NPHP1: variants seen among roughly 807,000 people sequenced by gnomAD.
NPHP1 encodes the protein nephrocystin 1, also known as nephrocystin-1.
A neutral mutation model predicts 90.4 loss-of-function variants in NPHP1; 70 were observed. The ratio of observed to expected loss-of-function variants is 0.77; its 90% CI spans 0.64 to 0.95. NPHP1 has a LOEUF of 0.95. Ranked by LOEUF, NPHP1 falls within the 40% of genes least tolerant of loss-of-function variation. The pLI is 0.00. For synonymous variants in NPHP1, 256 were observed against 271.7 expected (o/e 0.94, Z 0.57); for missense variants, 764 against 795.9 (o/e 0.96, Z 0.48).
chr2:110,128,945 G>A, intron 18 of NPHP1: 1 of 523,610 alleles, frequency 1.9e-6, no homozygotes, highest in East Asian at 3.2e-5. Flanking sequence ...GGAAAAAATG[G>A]GCAAAGATTG....
chr2:110,198,969 A>G (rs551794179), intron 2 of NPHP1, among the ~76,000 whole-genome samples: 4 of 152,168 alleles, frequency 2.6e-5, no homozygotes, highest in African/African-American at 9.6e-5. Flanking sequence ...ATTAAAAGGA[A>G]TCTGAGCCCA....
At chr2:110,203,232 C>G (rs1001732924) in intron 1 of NPHP1, among the ~76,000 whole-genome samples, 1 of 149,246 alleles carries the variant, frequency 6.7e-6, no homozygotes, top group Non-Finnish European at 1.5e-5. Flanking sequence ...AAGATGGGAG[C>G]AATGGACACT....
At chr2:110,141,525 G>T (rs1325125771) in intron 16 of NPHP1, among the ~76,000 whole-genome samples, 2 of 152,106 alleles carry the variant, frequency 1.3e-5, no homozygotes, top group Non-Finnish European at 2.9e-5. Context: ...TGAGGAAAAT[G>T]TATATTTAAA....
In NPHP1 at chr2:110,141,986, A is replaced by G. The variant is rs569289426; in HGVS notation, c.1529+1556T>C. On this transcript the variant is annotated intron_variant, in intron 16 of 19. Transcript: ENST00000445609. The stretch of plus-strand genomic sequence containing the variant: ...AGACTCTGTCTCAAAAAAAAAAAAA[A>G]AAAGAAAGAAAAAGAAAAATGAAAA... Among the ~76,000 whole-genome samples the G allele has an allele frequency of 3.7e-3, 556 of 151,318 alleles. 11 individuals carry two copies. Among genetic ancestry groups the G allele is most frequent in the Admixed American group, 0.032 (487 of 15,180 alleles).
intron 3 of NPHP1, chr2:110,178,894 G>C (rs1056574701): frequency 5.1e-6 from 1 of 197,594 alleles, no homozygotes; most frequent in East Asian, 1.4e-4. Context: ...ATTGACAGAA[G>C]AGGCATGGAT....
chr2:110,146,568 T>C (rs1681064119), intron 14 of NPHP1, among the ~76,000 whole-genome samples, 185 bp downstream of exon 14: 1 of 152,090 alleles, frequency 6.6e-6, no homozygotes, highest in African/African-American at 2.4e-5. Context: ...AGTCATTTCT[T>C]CCTCCTTAGG....
rs1574085055 is a variant in NPHP1 at position 110,144,039 on chromosome 2, T to G, written c.1430-398A>C. 4 of 324,960 alleles carry G rather than the reference T, an allele frequency of 1.2e-5. No individual in the cohort carries two copies. In the East Asian group the frequency reaches 3.2e-4, roughly 26 times the overall value. 20.1% of individuals were successfully genotyped at this position (324,960 alleles called of 1,614,324 possible). A position where few individuals can be genotyped will look rare whatever the true frequency, so the allele number is the denominator to read the frequency against. On this transcript the variant is annotated intron_variant, in intron 15 of 19. Coordinates refer to ENST00000445609, the MANE Select transcript of NPHP1 (RefSeq NM_001128178.3). ...AAATGGAATTCCAAATCTGTCAGGC[T>G]CTGAGCCCCATGAGGCAATGACCAT...
intron 12 of NPHP1, 34 bp downstream of exon 12, chr2:110,150,148 T>C (rs1301580845): frequency 2.7e-6 from 4 of 1,480,604 alleles, no homozygotes; most frequent in Non-Finnish European, 3.8e-6. Context: ...TACTTTGAAA[T>C]TCACTCACTC....
chr2:110,156,549 T>A (rs1681904719), intron 11 of NPHP1, among the ~76,000 whole-genome samples: 1 of 151,570 alleles, frequency 6.6e-6, no homozygotes, highest in Non-Finnish European at 1.5e-5. Flanking sequence ...AGAAAAAAAA[T>A]AAATCAGTGG....
At position 110,146,816 on chromosome 2, in the gene NPHP1, T is replaced by C; in HGVS notation, c.1289A>G (p.Glu430Gly). The change falls in exon 14 of 20, where the codon GAG (glutamate) becomes GGG (glycine). Residue 430 changes from glutamate to glycine, a missense_variant. Transcript: ENST00000445609. The part of the protein sequence containing the change: ...YIRNSTGERG[E>G]LSCGWVFLKL... ...AAGAAACACCCAGCCACAGCTTAAC[T>C]CTCCTCTTTCACCAGTTGACTAGGA... 1.2e-6 allele frequency: 2 copies of C among 1,613,224 alleles called. No homozygotes were observed. The highest frequency in any genetic ancestry group is 2.2e-5 in the East Asian group (1 of 44,842).
intron 4 of NPHP1, among the ~76,000 whole-genome samples, chr2:110,174,726 T>C (rs1236739648): frequency 2.0e-5 from 3 of 152,052 alleles, no homozygotes; most frequent in African/African-American, 7.2e-5. Flanking sequence ...AAGCTGAACA[T>C]GGTGACACCT....
chr2:110,150,241 G>A lies in NPHP1; in HGVS notation c.1099C>T (p.His367Tyr), dbSNP rs747685978. Residue 367 changes from histidine to tyrosine, a missense_variant, in exon 12 of 20, where the codon CAT becomes TAT. Transcript: ENST00000445609. ...GGTTGCCATGTGGCTCTGACTGTAT[G>A]AATGTTGCTCAGAACCTGAAATGAG... is the stretch of plus-strand genomic sequence containing the variant. ...FDGNKVLSNIHTVRATWQPKK... is the reference protein window; with the variant it reads ...FDGNKVLSNIYTVRATWQPKK... The A allele has an allele frequency of 2.1e-5, 34 of 1,613,770 alleles. No individual in the cohort carries two copies. Among genetic ancestry groups the A allele is most frequent in the Non-Finnish European group, 2.9e-5 (34 of 1,179,832 alleles).
At chr2:110,141,331 G>A (rs1680609232) in intron 16 of NPHP1, among the ~76,000 whole-genome samples, 1 of 151,984 alleles carries the variant, frequency 6.6e-6, no homozygotes, top group Admixed American at 6.6e-5. Flanking sequence ...GTAAATACTG[G>A]CTGTTTTATG....
intron 12 of NPHP1, among the ~76,000 whole-genome samples, chr2:110,148,274 T>C (rs1431329438): frequency 6.6e-6 from 1 of 152,058 alleles, no homozygotes; most frequent in East Asian, 1.9e-4. Flanking sequence ...CCTTCCTCCT[T>C]CTTGCTCCTG....
intron 16 of NPHP1, among the ~76,000 whole-genome samples, chr2:110,135,345 C>T (rs987181190): frequency 1.3e-5 from 2 of 151,258 alleles, no homozygotes; most frequent in African/African-American, 4.8e-5. Flanking sequence ...GGCGTGTTGG[C>T]AGGCGCCTGT....
chr2:110,161,488 T>A, intron 10 of NPHP1, 115 bp downstream of exon 10: 1 of 699,970 alleles, frequency 1.4e-6, no homozygotes, highest in Non-Finnish European at 2.5e-6. Flanking sequence ...AAAATTATCA[T>A]AAACAATTTT....
intron 19 of NPHP1, 110 bp from the exon 20 acceptor site, chr2:110,124,173 T>C: frequency 8.0e-7 from 1 of 1,256,588 alleles, no homozygotes; most frequent in Non-Finnish European, 1.2e-6. Flanking sequence ...GTGCCATTAG[T>C]GCCTGGCAGG....
intron 2 of NPHP1, chr2:110,185,218 C>T: frequency 1.9e-6 from 1 of 522,494 alleles, no homozygotes; most frequent in South Asian, 1.5e-5. Context: ...CTGAAGTTAA[C>T]TCCACTTTAA....
chr2:110,144,694 T>G (rs1680890549), intron 14 of NPHP1, 125 bp from the exon 15 acceptor site: 1 of 695,024 alleles, frequency 1.4e-6, no homozygotes, highest in Non-Finnish European at 2.6e-6. Context: ...CGTTGGTAAA[T>G]GAAAAGAATA....
Sources: gnomAD v4.1 joint callset for allele counts (sites outside exome capture counted in the v4.1 genomes callset) on GRCh38, gnomAD v4.1.1 for gene constraint, MANE v1.5 for transcripts, NCBI Gene and HGNC (gene_info 2026-07-23, HGNC 2026-07-21) for gene names.